Variants in DOCK3 observed in about 807,000 individuals in gnomAD.
DOCK3 encodes dedicator of cytokinesis protein 3.
In DOCK3, 60 loss-of-function variants were observed where a neutral mutation model predicts 265.6. The observed-to-expected ratio is 0.23, with a 90% CI of 0.18 to 0.28. The LOEUF (loss-of-function observed/expected upper bound fraction) is 0.28. Ranked by LOEUF, DOCK3 falls within the 10% of genes least tolerant of loss-of-function variation. The probability of loss-of-function intolerance (pLI) is 1.00; values close to 1 mark genes in which losing one functional copy is unlikely to be tolerated. For missense variants in DOCK3, 1,981 were observed against 2,594.3 expected (o/e 0.76, Z 5.14); for synonymous variants, 881 against 938.0 (o/e 0.94, Z 1.11).
chr3:50,688,822 T>C (rs2107719092), intron 1 of DOCK3, among the ~76,000 whole-genome samples: 1 of 152,168 alleles, frequency 6.6e-6, no homozygotes, highest in Non-Finnish European at 1.5e-5. Flanking sequence ...TGTCTTAGAG[T>C]CTTCTGCTGT....
intron 9 of DOCK3, among the ~76,000 whole-genome samples, chr3:51,109,019 G>A (rs2083403570): frequency 6.6e-6 from 1 of 152,048 alleles, no homozygotes; most frequent in Admixed American, 6.6e-5. Context: ...CTCAACACTG[G>A]ACCAAATGGA....
chr3:51,095,507 TA>T (rs145093079), intron 9 of DOCK3, among the ~76,000 whole-genome samples: 1 of 152,128 alleles, frequency 6.6e-6, no homozygotes. Context: ...CTTGGGGTAT[TA>T]AAAAAGCCTG....
chr3:50,682,161 G>C (rs2034457993), intron 1 of DOCK3, among the ~76,000 whole-genome samples: 2 of 152,208 alleles, frequency 1.3e-5, no homozygotes, highest in South Asian at 4.1e-4. Context: ...AGACTAGTTG[G>C]AACAGCTAGC....
chr3:50,979,151 C>T (rs1419615825), intron 5 of DOCK3, among the ~76,000 whole-genome samples: 18 of 152,164 alleles, frequency 1.2e-4, no homozygotes, highest in South Asian at 2.1e-4. Context: ...TGTTCCTATT[C>T]GGCCATCTTG....
At chr3:51,280,078 C>T in intron 26 of DOCK3, 28 bp from the exon 27 acceptor site, 2 of 1,602,850 alleles carry the variant, frequency 1.2e-6, no homozygotes, top group Non-Finnish European at 1.7e-6. Context: ...ATTGGCCATG[C>T]TAAGTGTTTT....
intron 35 of DOCK3, 131 bp from the exon 36 acceptor site, chr3:51,338,228 G>C: frequency 1.1e-6 from 1 of 932,418 alleles, no homozygotes; most frequent in Non-Finnish European, 1.7e-6. Context: ...CTTATCTATG[G>C]AAGCAGTTCC....
At chr3:50,862,850 C>T (rs1184401778) in intron 3 of DOCK3, among the ~76,000 whole-genome samples, 2 of 151,980 alleles carry the variant, frequency 1.3e-5, no homozygotes, top group African/African-American at 2.4e-5. Flanking sequence ...CACGGACTCA[C>T]ATTCAGCAAG....
At chr3:51,262,421 A>T (rs1043931870) in intron 23 of DOCK3, among the ~76,000 whole-genome samples, 1 of 152,204 alleles carries the variant, frequency 6.6e-6, no homozygotes, top group African/African-American at 2.4e-5. Flanking sequence ...GGTCAACAAC[A>T]TCAAACACCA....
At chr3:51,122,489 A>G (rs911938497) in intron 9 of DOCK3, among the ~76,000 whole-genome samples, 2 of 152,140 alleles carry the variant, frequency 1.3e-5, no homozygotes, top group African/African-American at 4.8e-5. Context: ...ATAATTAAAC[A>G]TTTACATGCT....
chr3:50,925,724 G>T (rs1189118189), intron 4 of DOCK3, among the ~76,000 whole-genome samples: 1 of 152,034 alleles, frequency 6.6e-6, no homozygotes, highest in Non-Finnish European at 1.5e-5. Context: ...AAGTTTTTGG[G>T]AGCTGGCAAG....
chr3:50,857,222 T>A (rs1050782876), intron 3 of DOCK3, among the ~76,000 whole-genome samples: 4 of 152,128 alleles, frequency 2.6e-5, no homozygotes, highest in Admixed American at 6.6e-5. Context: ...CTCCTTGATA[T>A]TTTGGAATAG....
chr3:51,121,753 G>A (rs1349702525), intron 9 of DOCK3, among the ~76,000 whole-genome samples: 1 of 152,132 alleles, frequency 6.6e-6, no homozygotes, highest in Non-Finnish European at 1.5e-5. Flanking sequence ...TCTAGAGCAT[G>A]TACCAAACCC....
chr3:50,681,928 C>T (rs1379926507), intron 1 of DOCK3, among the ~76,000 whole-genome samples: 1 of 152,224 alleles, frequency 6.6e-6, no homozygotes, highest in African/African-American at 2.4e-5. Context: ...TCAAACATAT[C>T]TATTGCCAAT....
intron 27 of DOCK3, among the ~76,000 whole-genome samples, chr3:51,297,117 C>CA (rs71633066): frequency 0.061 from 4,009 of 65,838 alleles, 581 homozygotes; most frequent in African/African-American, 0.19. Flanking sequence ...GACTCTGTCT[C>CA]AAAAAAAAAA....
intron 12 of DOCK3, among the ~76,000 whole-genome samples, chr3:51,165,219 G>A (rs769228379): frequency 1.3e-5 from 2 of 152,152 alleles, no homozygotes; most frequent in Non-Finnish European, 2.9e-5. Context: ...GAGCCACCAC[G>A]CCTGGCCAGG....
chr3:51,375,045 G>A (rs1269727668), intron 50 of DOCK3, among the ~76,000 whole-genome samples: 1 of 152,158 alleles, frequency 6.6e-6, no homozygotes, highest in Non-Finnish European at 1.5e-5. Context: ...ACCTGCTGGG[G>A]CTGTTCTACA....
chr3:51,098,359 G>T (rs1263106534), intron 9 of DOCK3, among the ~76,000 whole-genome samples: 1 of 152,144 alleles, frequency 6.6e-6, no homozygotes, highest in Non-Finnish European at 1.5e-5. Context: ...CTGGCCCAAA[G>T]TCCCATTCTT....
intron 27 of DOCK3, among the ~76,000 whole-genome samples, chr3:51,281,014 C>T (rs1229511137): frequency 1.3e-5 from 2 of 152,074 alleles, no homozygotes; most frequent in Non-Finnish European, 2.9e-5. Context: ...CAGAATCATT[C>T]CTCTCTCACA....
intron 5 of DOCK3, among the ~76,000 whole-genome samples, chr3:50,945,944 A>G (rs2076414700): frequency 6.6e-6 from 1 of 151,918 alleles, no homozygotes; most frequent in African/African-American, 2.4e-5. Context: ...TAAAAAGTTT[A>G]GGGCCAGTGT....
Sources: allele counts gnomAD v4.1 joint callset (sites outside exome capture counted in the v4.1 genomes callset), GRCh38; gene constraint gnomAD v4.1.1; transcripts MANE v1.5; gene names NCBI Gene and HGNC (gene_info 2026-07-23, HGNC 2026-07-21).